The following MS4A12 variants were observed in gnomAD, a reference collection of about 807,000 sequenced individuals.
The protein encoded by MS4A12 is membrane-spanning 4-domains subfamily A member 12.
In MS4A12, 28 loss-of-function variants were observed where a neutral mutation model predicts 23.7. That is an observed-to-expected ratio of 1.18 (90% CI 0.88 to 1.62). MS4A12 has a LOEUF of 1.62. Among genes scored for constraint, MS4A12 ranks in the 40% most tolerant of loss-of-function variants. The pLI is 0.00. For synonymous variants in MS4A12, 108 were observed against 110.1 expected (o/e 0.98, Z 0.12); for missense variants, 342 against 327.0 (o/e 1.05, Z -0.35).
chr11:60,499,961 T>C (rs2135230482), intron 2 of MS4A12, among the ~76,000 whole-genome samples: 1 of 152,282 alleles, frequency 6.6e-6, no homozygotes, highest in East Asian at 1.9e-4. Context: ...AATGATTGCA[T>C]ACCTGCAACT....
At chr11:60,500,297 G>A (rs7946021) in intron 2 of MS4A12, among the ~76,000 whole-genome samples, 86,256 of 150,554 alleles carry the variant, frequency 0.57, 24,838 homozygotes, top group East Asian at 0.65. Context: ...CCAAAATCAA[G>A]TAATAAGGTG....
intron 5 of MS4A12, among the ~76,000 whole-genome samples, chr11:60,505,244 C>T (rs1038211734): frequency 5.1e-4 from 78 of 152,070 alleles, no homozygotes; most frequent in Non-Finnish European, 1.0e-3. Context: ...TGCAGGGCAA[C>T]TCCTGTTTTT....
At chr11:60,504,283 G>T (rs1428281656) in intron 5 of MS4A12, among the ~76,000 whole-genome samples, 3 of 152,322 alleles carry the variant, frequency 2.0e-5, no homozygotes, top group South Asian at 4.1e-4. Context: ...ACGTATCTCT[G>T]AATGTGCTCA....
At chr11:60,494,171 C>T (rs929919488) in intron 1 of MS4A12, among the ~76,000 whole-genome samples, 1 of 152,114 alleles carries the variant, frequency 6.6e-6, no homozygotes, top group African/African-American at 2.4e-5. Flanking sequence ...GTCTTTAATT[C>T]CTTTTATAAA....
chr11:60,503,940 AC>A (rs1315618936), intron 5 of MS4A12, 123 bp downstream of exon 5: 7 of 761,920 alleles, frequency 9.2e-6, no homozygotes, highest in Non-Finnish European at 2.1e-6. Context: ...TTCTAGCCCC[AC>A]CCCTAGTCAT....
chr11:60,507,167 T>C lies in MS4A12; in HGVS notation c.*43T>C, dbSNP rs2298559. 641,394 of 1,484,068 alleles carry C rather than the reference T, an allele frequency of 0.43. 141,281 individuals are homozygous for C. Among genetic ancestry groups the C allele is most frequent in the Admixed American group, 0.61 (35,092 of 57,708 alleles). The allele number at this position is 1,484,068 out of a possible 1,614,324, so 91.9% of individuals were successfully genotyped here. ...TCAGTCTAATCTCATGGAGAAAAAC[T>C]ACTTGCAAAAACTTCTTAAGAAGAT... On this transcript the variant is annotated 3_prime_UTR_variant, in exon 7 of 7. Coordinates refer to ENST00000016913, the MANE Select transcript of MS4A12 (RefSeq NM_017716.3).
chr11:60,496,270 T>C (rs562800298), intron 1 of MS4A12, among the ~76,000 whole-genome samples: 2 of 152,342 alleles, frequency 1.3e-5, no homozygotes, highest in South Asian at 4.1e-4. Context: ...TCACTCTAAC[T>C]TTCTTGATAT....
intron 2 of MS4A12, among the ~76,000 whole-genome samples, chr11:60,499,475 A>T (rs900897253): frequency 4.6e-5 from 7 of 152,218 alleles, no homozygotes; most frequent in African/African-American, 1.7e-4. Flanking sequence ...GTAAAAACCA[A>T]ATATAAAGTC....
chr11:60,500,623 T>A (rs573160651), intron 2 of MS4A12, among the ~76,000 whole-genome samples: 27 of 152,196 alleles, frequency 1.8e-4, no homozygotes, highest in Non-Finnish European at 4.4e-5. Flanking sequence ...TAATAAATGG[T>A]TTTATCTTCA....
At chr11:60,503,900 T>C (rs2086551066) in intron 5 of MS4A12, 83 bp downstream of exon 5, 5 of 1,166,676 alleles carry the variant, frequency 4.3e-6, no homozygotes, top group Non-Finnish European at 5.0e-6. Flanking sequence ...TAATACCGTA[T>C]ACCAGCTCTA....
At chr11:60,503,516 A>C (rs993085370) in intron 4 of MS4A12, among the ~76,000 whole-genome samples, 185 bp from the exon 5 acceptor site, 1 of 152,194 alleles carries the variant, frequency 6.6e-6, no homozygotes, top group Non-Finnish European at 1.5e-5. Flanking sequence ...AGTACCCTAC[A>C]TCTAGGCTGC....
At chr11:60,506,969 T>C (rs776677706) in intron 6 of MS4A12, 51 bp from the exon 7 acceptor site, 2 of 1,548,250 alleles carry the variant, frequency 1.3e-6, no homozygotes, top group South Asian at 2.2e-5. Context: ...CCAGGGGAAA[T>C]TGCATAGGAT....
intron 2 of MS4A12, among the ~76,000 whole-genome samples, chr11:60,499,052 C>T (rs1357712806): frequency 6.6e-6 from 1 of 152,132 alleles, no homozygotes; most frequent in Non-Finnish European, 1.5e-5. Flanking sequence ...TGCCCGGCAC[C>T]GAAGAGGCGT....
intron 4 of MS4A12, among the ~76,000 whole-genome samples, chr11:60,502,406 C>G (rs1042227293): frequency 1.3e-5 from 2 of 152,218 alleles, no homozygotes; most frequent in Admixed American, 1.3e-4. Context: ...TACCAAGTCT[C>G]TACTGTTCAT....
intron 4 of MS4A12, among the ~76,000 whole-genome samples, chr11:60,502,800 T>TA (rs2086541158): frequency 6.6e-6 from 1 of 152,110 alleles, no homozygotes; most frequent in African/African-American, 2.4e-5. Flanking sequence ...TAAATCAAAT[T>TA]AAAATAAAAT....
At chr11:60,502,194 G>A (rs1393583484) in intron 4 of MS4A12, among the ~76,000 whole-genome samples, 155 bp downstream of exon 4, 6 of 152,208 alleles carry the variant, frequency 3.9e-5, no homozygotes, top group African/African-American at 1.2e-4. Flanking sequence ...GCTGGGGTGA[G>A]AAAATGGTCC....
At position 60,497,461 on chromosome 11, in the gene MS4A12, G is replaced by A. The variant is rs545246635; in HGVS notation, c.143G>A (p.Arg48His). Residue 48 changes from arginine (R) to histidine (H), a missense_variant, in exon 2 of 7, where the codon CGT becomes CAT. By Grantham distance (29) the Arg-to-His change is conservative. Transcript: ENST00000016913. ...NLENQAQGAQ[R>H]AQPYGITSPG... ...GAAAACCAAGCTCAGGGTGCTCAGCGTGCTCAGCCCTACGGCATCACATCT... is the reference window on the plus strand; with the variant it reads ...GAAAACCAAGCTCAGGGTGCTCAGCATGCTCAGCCCTACGGCATCACATCT... The A allele has an allele frequency of 4.5e-5, 73 of 1,614,152 alleles. No homozygotes were observed. The highest frequency in any genetic ancestry group is 3.3e-4 in the Middle Eastern group (2 of 6,062).
At chr11:60,504,275 G>C (rs530175428) in intron 5 of MS4A12, among the ~76,000 whole-genome samples, 40 of 152,188 alleles carry the variant, frequency 2.6e-4, no homozygotes, top group African/African-American at 9.7e-4. Flanking sequence ...AATGAAGCAC[G>C]TATCTCTGAA....
At chr11:60,499,605 G>T (rs1590860808) in intron 2 of MS4A12, among the ~76,000 whole-genome samples, 1 of 152,216 alleles carries the variant, frequency 6.6e-6, no homozygotes, top group African/African-American at 2.4e-5. Flanking sequence ...CAGGGAGAAA[G>T]GTTCATGGTT....
Sources: allele counts gnomAD v4.1 joint callset (sites outside exome capture counted in the v4.1 genomes callset), GRCh38; gene constraint gnomAD v4.1.1; transcripts MANE v1.5; gene names NCBI Gene and HGNC (gene_info 2026-07-23, HGNC 2026-07-21).